The following SLC20A2 variants were observed in gnomAD, a reference collection of about 807,000 sequenced individuals.
The protein encoded by SLC20A2 is solute carrier family 20 member 2.
In SLC20A2, 30 loss-of-function variants were observed where a neutral mutation model predicts 61.0. That is an observed-to-expected ratio of 0.49 (90% confidence interval 0.37 to 0.67). SLC20A2 has a LOEUF of 0.67. SLC20A2 is among the 30% of genes least tolerant of loss of function. The probability of loss-of-function intolerance (pLI) is 0.00; values close to 1 mark genes in which losing one functional copy is unlikely to be tolerated. For missense variants in SLC20A2, 626 were observed against 866.4 expected (o/e 0.72, Z 3.48); for synonymous variants, 351 against 353.3 (o/e 0.99, Z 0.07).
intron 5 of SLC20A2, among the ~76,000 whole-genome samples, chr8:42,449,622 C>T (rs1195172167): frequency 1.3e-5 from 2 of 152,214 alleles, no homozygotes; most frequent in East Asian, 1.9e-4. Flanking sequence ...CATCTCCCTA[C>T]AATCTTCCTT....
At chr8:42,435,233 C>T (rs1207835764) in intron 8 of SLC20A2, among the ~76,000 whole-genome samples, 3 of 152,200 alleles carry the variant, frequency 2.0e-5, no homozygotes. Context: ...GGTTCATCTG[C>T]AGCGAGACTT....
chr8:42,446,168 T>C (rs1485428529), intron 5 of SLC20A2, among the ~76,000 whole-genome samples: 1 of 152,198 alleles, frequency 6.6e-6, no homozygotes, highest in East Asian at 1.9e-4. Context: ...TAACTCTTCT[T>C]TGAAGCATCA....
chr8:42,425,027 C>A (rs1803306043), intron 10 of SLC20A2, among the ~76,000 whole-genome samples: 1 of 152,156 alleles, frequency 6.6e-6, no homozygotes, highest in Admixed American at 6.5e-5. Context: ...GCCTGGGCCA[C>A]AAAGCAAGAC....
At chr8:42,455,691 T>C (rs1456284900) in intron 5 of SLC20A2, among the ~76,000 whole-genome samples, 1 of 152,148 alleles carries the variant, frequency 6.6e-6, no homozygotes, top group Non-Finnish European at 1.5e-5. Flanking sequence ...ATTTTTATTA[T>C]CATTAACTGC....
chr8:42,526,402 G>T (rs183343418), intron 1 of SLC20A2, among the ~76,000 whole-genome samples: 11 of 151,960 alleles, frequency 7.2e-5, no homozygotes, highest in African/African-American at 2.7e-4. Context: ...GGCTGGGTGT[G>T]GTGGCTCACG....
At chr8:42,527,889 A>T (rs1235255109) in intron 1 of SLC20A2, among the ~76,000 whole-genome samples, 1 of 152,232 alleles carries the variant, frequency 6.6e-6, no homozygotes, top group Non-Finnish European at 1.5e-5. Flanking sequence ...CCTATTATAA[A>T]TCTATTTGTA....
chr8:42,427,985 T>C (rs1279782671), intron 10 of SLC20A2, among the ~76,000 whole-genome samples: 1 of 152,228 alleles, frequency 6.6e-6, no homozygotes, highest in Non-Finnish European at 1.5e-5. Flanking sequence ...GGTGAGTTTG[T>C]CTGTATACAG....
upstream of SLC20A2, chr8:42,502,235 C>T (rs1022046790): frequency 6.6e-6 from 1 of 152,092 alleles, no homozygotes; most frequent in African/African-American, 2.4e-5. Context: ...CCTGGATCAC[C>T]CCATCTCCTC....
At chr8:42,480,091 C>T (rs1808444163) in intron 1 of SLC20A2, among the ~76,000 whole-genome samples, 1 of 152,168 alleles carries the variant, frequency 6.6e-6, no homozygotes, top group South Asian at 2.1e-4. Context: ...GCTAAGGCAA[C>T]TTCTTCTAAA....
intron 1 of SLC20A2, among the ~76,000 whole-genome samples, chr8:42,479,915 G>A (rs1221845637): frequency 2.0e-5 from 3 of 152,190 alleles, no homozygotes; most frequent in Non-Finnish European, 4.4e-5. Context: ...TGAATGAGGA[G>A]CACTCAGGGG....
upstream of SLC20A2, among the ~76,000 whole-genome samples, chr8:42,503,014 A>G (rs998859491): frequency 2.6e-5 from 4 of 152,224 alleles, no homozygotes; most frequent in African/African-American, 9.6e-5. Context: ...GAAAGGAGCA[A>G]TCTGATGTAT....
chr8:42,430,509 C>T (rs572464874), intron 8 of SLC20A2, among the ~76,000 whole-genome samples: 11 of 152,050 alleles, frequency 7.2e-5, no homozygotes, highest in African/African-American at 1.9e-4. Context: ...ACTACAGCCG[C>T]GGGCCACCAC....
At chr8:42,492,237 T>A (rs1005013723) in intron 1 of SLC20A2, among the ~76,000 whole-genome samples, 3 of 152,100 alleles carry the variant, frequency 2.0e-5, no homozygotes, top group African/African-American at 7.2e-5. Context: ...GCGCCTGTAA[T>A]CCCAGCTACG....
Position 42,465,840 on chromosome 8 carries a change from T to A in SLC20A2, c.367A>T (p.Ile123Leu). 1 of 1,613,998 alleles carries A rather than the reference T, an allele frequency of 6.2e-7. No individual in the cohort carries two copies. The highest frequency in any genetic ancestry group is 8.5e-7 in the Non-Finnish European group (1 of 1,179,958). The change falls in exon 3 of 11, where the codon ATA becomes TTA. Residue 123 changes from isoleucine (I) to leucine (L), a missense_variant. Physicochemically the swap from Ile to Leu is conservative, Grantham distance 5. Coordinates refer to ENST00000520262, the MANE Select transcript of SLC20A2 (RefSeq NM_001257180.2). ...CCGATTGCGACCAGTGAGAATCCTATAGTAGAACCCACAATGCAGTGCGTT... is the reference window on the plus strand; with the variant it reads ...CCGATTGCGACCAGTGAGAATCCTAAAGTAGAACCCACAATGCAGTGCGTT... Reference protein sequence around the residue: ...SGTHCIVGSTIGFSLVAIGTK... With the variant: ...SGTHCIVGSTLGFSLVAIGTK...
intron 1 of SLC20A2, among the ~76,000 whole-genome samples, chr8:42,529,424 T>C (rs960582302): frequency 6.6e-6 from 1 of 152,236 alleles, no homozygotes; most frequent in Non-Finnish European, 1.5e-5. Context: ...ACAGAAAATA[T>C]GTTTTATCAC....
chr8:42,505,006 T>C (rs935756392), upstream of SLC20A2, among the ~76,000 whole-genome samples: 3 of 150,436 alleles, frequency 2.0e-5, no homozygotes, highest in African/African-American at 7.3e-5. Context: ...GCAGATACAA[T>C]ACTTGGGTAA....
chr8:42,522,916 G>C (rs1471712952), intron 1 of SLC20A2, among the ~76,000 whole-genome samples: 1 of 146,030 alleles, frequency 6.8e-6, no homozygotes, highest in Non-Finnish European at 1.5e-5. Flanking sequence ...GGGTGGGGGG[G>C]GTCTCTCTGT....
chr8:42,519,725 C>G (rs969423716), intron 1 of SLC20A2, among the ~76,000 whole-genome samples: 4 of 152,160 alleles, frequency 2.6e-5, no homozygotes, highest in Non-Finnish European at 5.9e-5. Flanking sequence ...CCATCCATAA[C>G]CTGGAATGTC....
At chr8:42,418,932 A>G (rs1246855292) in intron 10 of SLC20A2, among the ~76,000 whole-genome samples, 1 of 143,296 alleles carries the variant, frequency 7.0e-6, no homozygotes, top group Non-Finnish European at 1.5e-5. Context: ...TGGGAGGCGG[A>G]GCTTGCATTG....
Sources: gnomAD v4.1 joint callset for allele counts (sites outside exome capture counted in the v4.1 genomes callset) on GRCh38, gnomAD v4.1.1 for gene constraint, MANE v1.5 for transcripts, NCBI Gene and HGNC (gene_info 2026-07-23, HGNC 2026-07-21) for gene names.